The following NUGGC variants were observed in gnomAD, a reference collection of about 807,000 sequenced individuals.
The protein encoded by NUGGC is nuclear GTPase SLIP-GC.
A neutral mutation model predicts 92.6 loss-of-function variants in NUGGC; 58 were observed. That is an observed-to-expected ratio of 0.63 (90% confidence interval 0.51 to 0.78). NUGGC has a LOEUF of 0.78. NUGGC is among the 30% of genes least tolerant of loss of function. NUGGC has a pLI of 0.00. For synonymous variants in NUGGC, 376 were observed against 366.4 expected (o/e 1.03, Z -0.30); for missense variants, 925 against 964.6 (o/e 0.96, Z 0.54).
At chr8:28,054,188 A>C (rs7011664) in intron 10 of NUGGC, among the ~76,000 whole-genome samples, 1 of 152,168 alleles carries the variant, frequency 6.6e-6, no homozygotes, top group Non-Finnish European at 1.5e-5. Flanking sequence ...ATAGTTGTAC[A>C]AGACTATTAT....
chr8:28,046,268 A>G (rs1809830881), intron 11 of NUGGC, among the ~76,000 whole-genome samples: 1 of 152,082 alleles, frequency 6.6e-6, no homozygotes, highest in Admixed American at 6.5e-5. Context: ...ACCCTTAATC[A>G]AGCAGTTCCC....
chr8:28,036,047 T>C (rs907085042), intron 13 of NUGGC, among the ~76,000 whole-genome samples: 2 of 124,092 alleles, frequency 1.6e-5, no homozygotes, highest in African/African-American at 5.2e-5. Flanking sequence ...CATGCCCAAC[T>C]TTTTTTTTTA....
chr8:28,070,642 C>T (rs1810567327), intron 2 of NUGGC, among the ~76,000 whole-genome samples: 1 of 150,232 alleles, frequency 6.7e-6, no homozygotes, highest in Non-Finnish European at 1.5e-5. Flanking sequence ...GCCCAGCAGG[C>T]CAGAGTGCTG....
intron 1 of NUGGC, among the ~76,000 whole-genome samples, chr8:28,079,648 C>T (rs991981961): frequency 6.6e-6 from 1 of 152,200 alleles, no homozygotes; most frequent in African/African-American, 2.4e-5. Context: ...AGGGCTGAAA[C>T]TCAGTTTTCC....
intron 13 of NUGGC, among the ~76,000 whole-genome samples, chr8:28,036,287 A>G (rs1196013344): frequency 6.6e-6 from 1 of 152,140 alleles, no homozygotes; most frequent in Non-Finnish European, 1.5e-5. Flanking sequence ...TTCTTCTGCT[A>G]CCTCTCAGGC....
At chr8:28,061,999 T>C (rs1033210887) in intron 7 of NUGGC, among the ~76,000 whole-genome samples, 3 of 152,112 alleles carry the variant, frequency 2.0e-5, no homozygotes, top group Non-Finnish European at 4.4e-5. Context: ...TTCCAACATA[T>C]AAACTTGATT....
chr8:28,067,614 T>C lies in NUGGC; in HGVS notation c.611A>G (p.Tyr204Cys), dbSNP rs1444527892. The C allele has an allele frequency of 2.5e-6, 4 of 1,613,872 alleles. No individual in the cohort carries two copies. In the African/African-American group the frequency reaches 5.3e-5, roughly 22 times the overall value. The change falls in exon 6 of 19, where the codon TAT (tyrosine) becomes TGT (cysteine). Residue 204 changes from tyrosine (Y) to cysteine (C), a missense_variant. Coordinates refer to ENST00000413272, the MANE Select transcript of NUGGC (RefSeq NM_001010906.2). ...EEATWKLQMI[Y>C]GNGAESKNYE... ...GTTCTTACTCTCTGCCCCATTTCCATAAATCATTTGTAGCTTCCAGGTGGC... is the reference window on the plus strand; with the variant it reads ...GTTCTTACTCTCTGCCCCATTTCCACAAATCATTTGTAGCTTCCAGGTGGC...
intron 11 of NUGGC, among the ~76,000 whole-genome samples, chr8:28,046,245 T>C (rs1809830559): frequency 6.6e-6 from 1 of 152,170 alleles, no homozygotes; most frequent in Non-Finnish European, 1.5e-5. Flanking sequence ...ACCATGCTAA[T>C]TTTGTCTTTT....
chr8:28,066,670 T>C (rs1810447173), intron 6 of NUGGC, among the ~76,000 whole-genome samples: 1 of 152,250 alleles, frequency 6.6e-6, no homozygotes, highest in Non-Finnish European at 1.5e-5. Context: ...AAATTGAATG[T>C]TGATTCCACA....
chr8:28,069,364 G>T (rs1475264262), intron 4 of NUGGC, among the ~76,000 whole-genome samples, 180 bp downstream of exon 4: 1 of 152,200 alleles, frequency 6.6e-6, no homozygotes, highest in African/African-American at 2.4e-5. Flanking sequence ...AAAGCACTTA[G>T]CAGATTACCT....
rs377405085 is a variant in NUGGC, at chr8:28,077,211, GA to G, written c.-46-2756del. On this transcript the variant is annotated intron_variant, in intron 1 of 18. Transcript: ENST00000413272. Reference sequence around the variant, plus strand: ...ACATCAAAACCTAGGTGAGCTACAAGAAAAAAAAAGGTAGATGGGCTATAAC... The same window carrying G: ...ACATCAAAACCTAGGTGAGCTACAAGAAAAAAAAGGTAGATGGGCTATAAC... 2.7e-5 allele frequency among the ~76,000 whole-genome samples: 4 copies of G among 149,578 alleles called. No homozygotes were observed. The East Asian group carries it at 5.8e-4, about 22-fold the overall frequency.
At chr8:28,041,519 A>G (rs1473155410) in intron 12 of NUGGC, among the ~76,000 whole-genome samples, 1 of 152,276 alleles carries the variant, frequency 6.6e-6, no homozygotes, top group Non-Finnish European at 1.5e-5. Flanking sequence ...GGAAGTAGCT[A>G]TCCACATAGA....
chr8:28,076,773 G>C (rs542941053), intron 1 of NUGGC, among the ~76,000 whole-genome samples: 72 of 152,304 alleles, frequency 4.7e-4, no homozygotes, highest in Non-Finnish European at 8.2e-4. Context: ...GGGGGCAGGG[G>C]CCTTCATGGT....
At chr8:28,067,463 T>C in intron 6 of NUGGC, 51 bp downstream of exon 6, 1 of 1,210,848 alleles carries the variant, frequency 8.3e-7, no homozygotes, top group Non-Finnish European at 1.2e-6. Flanking sequence ...GGTTCAACTG[T>C]TAGACTTGAG....
chr8:28,081,891 AC>A lies in NUGGC; in HGVS notation c.-47+1883del, dbSNP rs1390174943. Among the ~76,000 whole-genome samples, 13 of 151,944 alleles carry A rather than the reference AC, an allele frequency of 8.6e-5. 1 individual carries two copies. The highest frequency in any genetic ancestry group is 1.3e-4 in the Non-Finnish European group (9 of 68,004). On this transcript the variant is annotated intron_variant, in intron 1 of 18. Transcript: ENST00000413272. ...AGACTCCATCTCAAAAAAAAAAAAA[AC>A]AATCTTTGGTCAAGTTTTTTCTTGC...
intron 1 of NUGGC, among the ~76,000 whole-genome samples, chr8:28,080,037 G>A (rs1433084835): frequency 6.6e-6 from 1 of 152,126 alleles, no homozygotes; most frequent in African/African-American, 2.4e-5. Flanking sequence ...CGCCTCCCAG[G>A]TTCAAGCGAT....
Position 28,047,537 on chromosome 8 carries a change from G to A in NUGGC, c.1282C>T (p.Gln428Ter). 1 of 1,566,168 alleles carries A rather than the reference G, an allele frequency of 6.4e-7. No homozygotes were observed. Among genetic ancestry groups the A allele is most frequent in the Non-Finnish European group, 8.7e-7 (1 of 1,153,838 alleles). Residue 428 changes from glutamine to a stop codon, truncating the protein, a stop_gained, in exon 11 of 19, where the codon CAG (glutamine) becomes TAG (stop). Transcript: ENST00000413272. LOFTEE classifies it high-confidence loss of function. The stretch of plus-strand genomic sequence containing the variant: ...TCCTCCTCGGTGAGGAGAGCCTGCT[G>A]CCAGTACTCCTGGGCGCTGACTGTA... Reference protein sequence around the residue: ...VYTVSAQEYWQQALLTEEETE... With the variant: ...VYTVSAQEYW
chr8:28,070,639 A>G (rs1810567192), intron 2 of NUGGC, among the ~76,000 whole-genome samples: 1 of 150,414 alleles, frequency 6.6e-6, no homozygotes, highest in Admixed American at 6.6e-5. Flanking sequence ...GTTGCCCAGC[A>G]GGCCAGAGTG....
At position 28,060,513 on chromosome 8, in the gene NUGGC, C is replaced by T. The variant is rs1810274052; in HGVS notation, c.1010G>A (p.Ser337Asn). Residue 337 changes from serine (S) to asparagine (N), a missense_variant, in exon 8 of 19, where the codon AGC becomes AAC. Ser to Asn is a conservative substitution (Grantham distance 46). Coordinates refer to ENST00000413272, the MANE Select transcript of NUGGC (RefSeq NM_001010906.2). ...GAAGCCCCGCTGGCAGGCTTTGATGCTCTCATTCAGAAGGTCTTCGTGGGC... is the reference window on the plus strand; with the variant it reads ...GAAGCCCCGCTGGCAGGCTTTGATGTTCTCATTCAGAAGGTCTTCGTGGGC... ...GQAHEDLLNESIKACQRGFCR... is the reference protein window; with the variant it reads ...GQAHEDLLNENIKACQRGFCR... 2 of 1,613,874 alleles carry T rather than the reference C, an allele frequency of 1.2e-6. No individual in the cohort carries two copies. The highest frequency in any genetic ancestry group is 1.1e-5 in the South Asian group (1 of 91,054).
Sources: gnomAD v4.1 joint callset for allele counts (sites outside exome capture counted in the v4.1 genomes callset) on GRCh38, gnomAD v4.1.1 for gene constraint, MANE v1.5 for transcripts, NCBI Gene and HGNC (gene_info 2026-07-23, HGNC 2026-07-21) for gene names.